The following GNB3 variants were observed in gnomAD, a reference collection of about 807,000 sequenced individuals.
The protein encoded by GNB3 is G protein subunit beta 3.
Under a neutral mutation model 41.2 loss-of-function variants are expected in GNB3, and 33 were observed. The ratio of observed to expected loss-of-function variants is 0.80; its 90% CI spans 0.61 to 1.07. The LOEUF is 1.07. Ranked by LOEUF, GNB3 falls within the 50% of genes least tolerant of loss-of-function variation. The pLI, the probability that GNB3 is intolerant of heterozygous loss-of-function variation, is 0.00. For missense variants in GNB3, 409 were observed against 455.3 expected (o/e 0.90, Z 0.92); for synonymous variants, 172 against 173.4 (o/e 0.99, Z 0.06).
chr12:6,843,824 GAC>G lies in GNB3; in HGVS notation c.550_551del (p.Thr184GlyfsTer2). ...GGGCAGCAGAAGACTGTATTTGTGG[GAC>G]ACACGGGTGACTGCATGAGCCTGGC... On this transcript the variant is annotated frameshift_variant, in exon 8 of 10. Transcript: ENST00000229264. LOFTEE classifies it high-confidence loss of function. This position sits in a 1 kb window ranked among gnomAD's most constrained non-coding sequence, Gnocchi z 5.9. 1 of 1,614,098 alleles carries G rather than the reference GAC, an allele frequency of 6.2e-7. No individual in the cohort carries two copies. The highest frequency in any genetic ancestry group is 8.5e-7 in the Non-Finnish European group (1 of 1,179,968).
At position 6,843,580 on chromosome 12, in the gene GNB3, C is replaced by T. The variant is rs1463739289; in HGVS notation, c.431-52C>T. 5 of 1,612,118 alleles carry T rather than the reference C, an allele frequency of 3.1e-6. No individual in the cohort carries two copies. The highest frequency in any genetic ancestry group is 3.3e-5 in the Admixed American group (2 of 60,002). ...GAGGGGTTCAGGGAACCCTGGGCTTCCAGTGGGCTGTGGCTCTGCAGCCAG... is the reference window on the plus strand; with the variant it reads ...GAGGGGTTCAGGGAACCCTGGGCTTTCAGTGGGCTGTGGCTCTGCAGCCAG... On this transcript the variant is annotated intron_variant, in intron 6 of 9. Coordinates refer to ENST00000229264, the MANE Select transcript of GNB3 (RefSeq NM_002075.4). This position sits in a 1 kb window ranked among gnomAD's most constrained non-coding sequence, Gnocchi z 5.9.
intron 8 of GNB3, among the ~76,000 whole-genome samples, chr12:6,844,587 T>C (rs1943646151): frequency 6.6e-6 from 1 of 152,132 alleles, no homozygotes. Flanking sequence ...GCTTGGCTAA[T>C]GTTTTGATTT....
intron 3 of GNB3, 62 bp from the exon 4 acceptor site, chr12:6,842,908 A>G (rs1943599311): frequency 3.8e-6 from 4 of 1,053,244 alleles, no homozygotes; most frequent in Non-Finnish European, 5.6e-6. Flanking sequence ...GATCAGTGGC[A>G]GTGACAGACA....
intron 3 of GNB3, 98 bp downstream of exon 3, chr12:6,841,722 G>A (rs1351982182): frequency 2.1e-5 from 18 of 848,800 alleles, no homozygotes; most frequent in African/African-American, 1.3e-4. Flanking sequence ...AGTACAGCAC[G>A]TCCTTGGAGT....
At position 6,843,295 on chromosome 12, in the gene GNB3, C is replaced by T; in HGVS notation, c.267+58C>T. The T allele has an allele frequency of 6.2e-7, 1 of 1,609,230 alleles. No homozygotes were observed. On this transcript the variant is annotated intron_variant, in intron 5 of 9. Coordinates refer to ENST00000229264, the MANE Select transcript of GNB3 (RefSeq NM_002075.4). The surrounding 1 kb of genome is among the most constrained non-coding windows in gnomAD (Gnocchi z 5.9). ...TGCATCCTTCCTAAGGGCGCCATGC[C>T]TACCCTCCTGTGCCCAGCTGGGAGC...
intron 8 of GNB3, chr12:6,844,670 C>T (rs1555124176): frequency 6.6e-6 from 1 of 152,214 alleles, no homozygotes; most frequent in Admixed American, 6.5e-5. Flanking sequence ...ATCCTCCTGC[C>T]TCAGTCTCCC....
chr12:6,845,719 T>C lies in GNB3; in HGVS notation c.833T>C (p.Phe278Ser), dbSNP rs782572749. Residue 278 changes from phenylalanine to serine, a missense_variant, in exon 9 of 10, where the codon TTC becomes TCC. Transcript: ENST00000229264. ...SIICGITSVAFSLSGRLLFAG... is the reference protein window; with the variant it reads ...SIICGITSVASSLSGRLLFAG... ...ATCTGCGGCATCACGTCCGTGGCCT[T>C]CTCCCTCAGTGGCCGCCTACTATTC... The C allele has an allele frequency of 3.1e-6, 5 of 1,613,974 alleles. No individual in the cohort carries two copies. Among genetic ancestry groups the C allele is most frequent in the Non-Finnish European group, 8.5e-7 (1 of 1,179,890 alleles).
In GNB3 at chr12:6,843,009, C is replaced by A. The variant is rs1485871048; in HGVS notation, c.136C>A (p.Arg46=). Residue 46 remains arginine (R), a synonymous_variant, in exon 4 of 10, where the codon CGG becomes AGG. Transcript: ENST00000229264. The surrounding 1 kb of genome is among the most constrained non-coding windows in gnomAD (Gnocchi z 5.9). ...AGAGGTGGTGGGACGAGTCCAGATG[C>A]GGACGCGGCGGACGTTAAGGGGACA... ...GLEVVGRVQM[R]TRRTLRGHLA... is the part of the protein sequence containing the mutation. 2.6e-6 allele frequency: 4 copies of A among 1,561,302 alleles called. No homozygotes were observed. The highest frequency in any genetic ancestry group is 1.4e-5 in the African/African-American group (1 of 73,992).
At position 6,843,439 on chromosome 12, in the gene GNB3, G is replaced by A; in HGVS notation, c.344G>A (p.Gly115Glu). The A allele has an allele frequency of 6.2e-7, 1 of 1,614,136 alleles. No homozygotes were observed. Among genetic ancestry groups the A allele is most frequent in the Non-Finnish European group, 8.5e-7 (1 of 1,179,974 alleles). ...CCATCAGGGAACTTTGTGGCATGTG[G>A]GGGGCTGGACAACATGTGTTCCATC... Reference protein sequence around the residue: ...YAPSGNFVACGGLDNMCSIYN... With the variant: ...YAPSGNFVACEGLDNMCSIYN... The change falls in exon 6 of 10, where the codon GGG becomes GAG. Residue 115 changes from glycine to glutamate, a missense_variant. Physicochemically the swap from Gly to Glu is moderately conservative, Grantham distance 98. Coordinates refer to ENST00000229264, the MANE Select transcript of GNB3 (RefSeq NM_002075.4). The surrounding 1 kb of genome is among the most constrained non-coding windows in gnomAD (Gnocchi z 5.9).
intron 8 of GNB3, 117 bp downstream of exon 8, chr12:6,844,095 T>A: frequency 4.0e-6 from 1 of 247,040 alleles, no homozygotes; most frequent in Non-Finnish European, 7.2e-6. Flanking sequence ...CTTACTGTAT[T>A]TTTTTTTTTT....
At position 6,843,486 on chromosome 12, in the gene GNB3, G is replaced by C; in HGVS notation, c.391G>C (p.Gly131Arg). Residue 131 changes from glycine (G) to arginine (R), a missense_variant, in exon 6 of 10, where the codon GGC becomes CGC. Coordinates refer to ENST00000229264, the MANE Select transcript of GNB3 (RefSeq NM_002075.4). This position sits in a 1 kb window ranked among gnomAD's most constrained non-coding sequence, Gnocchi z 5.9. ...CATCTACAACCTCAAATCCCGTGAG[G>C]GCAATGTCAAGGTCAGCCGGGAGCT... ...CSIYNLKSRE[G>R]NVKVSRELSA... The C allele has an allele frequency of 6.2e-7, 1 of 1,614,184 alleles. No individual in the cohort carries two copies. Among genetic ancestry groups the C allele is most frequent in the Non-Finnish European group, 8.5e-7 (1 of 1,180,016 alleles).
Position 6,847,077 on chromosome 12 carries a change from G to A in GNB3, c.*179G>A, listed in dbSNP as rs1411024336. The stretch of plus-strand genomic sequence containing the variant: ...TGGGAGGCAGCATCAGGGACACAGG[G>A]GCAAAGAACTGCCCCATCTCCTCCC... On this transcript the variant is annotated 3_prime_UTR_variant, in exon 10 of 10. Coordinates refer to ENST00000229264, the MANE Select transcript of GNB3 (RefSeq NM_002075.4). The A allele has an allele frequency of 3.4e-6, 2 of 581,588 alleles. No individual in the cohort carries two copies. Among genetic ancestry groups the A allele is most frequent in the Non-Finnish European group, 6.2e-6 (2 of 322,852 alleles). 36.0% of individuals were successfully genotyped at this position (581,588 alleles called of 1,614,324 possible). A position where few individuals can be genotyped will look rare whatever the true frequency, so the allele number is the denominator to read the frequency against.
intron 3 of GNB3, among the ~76,000 whole-genome samples, chr12:6,842,211 C>T (rs1943588209): frequency 6.6e-6 from 1 of 152,068 alleles, no homozygotes. Flanking sequence ...CCTCATTTTA[C>T]ACCTTGAGTA....
At chr12:6,841,925 G>A in intron 3 of GNB3, 1 of 548,292 alleles carries the variant, frequency 1.8e-6, no homozygotes, top group Middle Eastern at 2.7e-4. Context: ...AGCCCTTGTA[G>A]ACTCTAGCTG....
At position 6,843,096 on chromosome 12, in the gene GNB3, C is replaced by G. The variant is rs781784104; in HGVS notation, c.203+20C>G. ...TTCTAAGTGAGGCTTGGGGGGGAAC[C>G]GAGAATGGGAGGGTGAGAGCGGGAG... is the stretch of plus-strand genomic sequence containing the variant. On this transcript the variant is annotated intron_variant, in intron 4 of 9. Transcript: ENST00000229264. This position sits in a 1 kb window ranked among gnomAD's most constrained non-coding sequence, Gnocchi z 5.9. The G allele has an allele frequency of 1.2e-6, 2 of 1,601,424 alleles. No individual in the cohort carries two copies. The highest frequency in any genetic ancestry group is 1.7e-4 in the Middle Eastern group (1 of 6,048).
At position 6,843,222 on chromosome 12, in the gene GNB3, C is replaced by G; in HGVS notation, c.252C>G (p.Ser84Arg). 1.2e-6 allele frequency: 2 copies of G among 1,613,902 alleles called. No homozygotes were observed. The change falls in exon 5 of 10, where the codon AGC becomes AGG. Residue 84 changes from serine to arginine, a missense_variant. By Grantham distance (110) the Ser-to-Arg change is moderately radical. Coordinates refer to ENST00000229264, the MANE Select transcript of GNB3 (RefSeq NM_002075.4). The surrounding 1 kb of genome is among the most constrained non-coding windows in gnomAD (Gnocchi z 5.9). ...ATGGGAAGCTGATCGTGTGGGACAG[C>G]TACACCACCAACAAGGTACCAGCCC... ...SQDGKLIVWD[S>R]YTTNKVHAIP...
chr12:6,846,142 G>T, intron 9 of GNB3: 1 of 316,188 alleles, frequency 3.2e-6, no homozygotes, highest in South Asian at 4.0e-5. Context: ...ATGGAATCAA[G>T]GCAGAATCAA....
chr12:6,841,904 G>A (rs1943583196), intron 3 of GNB3: 5 of 628,488 alleles, frequency 8.0e-6, no homozygotes, highest in South Asian at 4.6e-5. Context: ...ATAGTACTTT[G>A]TAAATTATAA....
rs200634640 is a variant in GNB3 at position 6,843,899 on chromosome 12, G to C, written c.620G>C (p.Ser207Thr). The C allele has an allele frequency of 5.5e-5, 88 of 1,613,940 alleles. No individual in the cohort carries two copies. The highest frequency in any genetic ancestry group is 6.7e-5 in the Non-Finnish European group (79 of 1,180,000). ...TTCATTTCGGGGGCCTGTGATGCCA[G>C]TGCCAAGCTCTGGGATGTGCGAGAG... ...NLFISGACDA[S>T]AKLWDVREGT... Residue 207 changes from serine (S) to threonine (T), a missense_variant, in exon 8 of 10, where the codon AGT becomes ACT. By Grantham distance (58) the Ser-to-Thr change is moderately conservative. Transcript: ENST00000229264. This position sits in a 1 kb window ranked among gnomAD's most constrained non-coding sequence, Gnocchi z 5.9.
Sources: allele counts gnomAD v4.1 joint callset (sites outside exome capture counted in the v4.1 genomes callset), GRCh38; gene constraint gnomAD v4.1.1; non-coding constraint Gnocchi (gnomAD v3.1); transcripts MANE v1.5; gene names NCBI Gene and HGNC (gene_info 2026-07-23, HGNC 2026-07-21).